The following PIBF1 variants were observed in gnomAD, a reference collection of about 807,000 sequenced individuals.
The protein encoded by PIBF1 is progesterone immunomodulatory binding factor 1, also known as progesterone-induced-blocking factor 1.
PIBF1 carries 90 observed loss-of-function variants against 112.5 expected under a neutral mutation model. That is an observed-to-expected ratio of 0.80 (90% CI 0.67 to 0.95). The LOEUF is 0.95. Ranked by LOEUF, PIBF1 falls within the 40% of genes least tolerant of loss-of-function variation. PIBF1 has a pLI of 0.00. For missense variants in PIBF1, 915 were observed against 852.3 expected (o/e 1.07, Z -0.92); for synonymous variants, 301 against 288.6 (o/e 1.04, Z -0.44).
At chr13:72,859,801 C>T (rs1296237448) in intron 10 of PIBF1, among the ~76,000 whole-genome samples, 2 of 151,992 alleles carry the variant, frequency 1.3e-5, no homozygotes, top group Non-Finnish European at 2.9e-5. Context: ...ATTACCTTAC[C>T]TATAGAATTA....
intron 8 of PIBF1, 89 bp downstream of exon 8, chr13:72,828,003 T>C (rs568470054): frequency 2.5e-5 from 19 of 772,586 alleles, no homozygotes; most frequent in Admixed American, 3.4e-5. Context: ...GATTTAGTGA[T>C]TTTTTTAAGG....
At chr13:72,958,665 G>A (rs1305322020) in intron 14 of PIBF1, among the ~76,000 whole-genome samples, 1 of 152,160 alleles carries the variant, frequency 6.6e-6, no homozygotes, top group East Asian at 1.9e-4. Flanking sequence ...CGACAAAGAG[G>A]TCATACCTGA....
At chr13:72,835,438 A>G in intron 9 of PIBF1, 70 bp downstream of exon 9, 1 of 1,202,716 alleles carries the variant, frequency 8.3e-7, no homozygotes, top group Non-Finnish European at 1.1e-6. Flanking sequence ...TATTGAAATT[A>G]AATGCTATTT....
At chr13:72,967,177 G>T (rs2042764997) in intron 15 of PIBF1, among the ~76,000 whole-genome samples, 1 of 151,926 alleles carries the variant, frequency 6.6e-6, no homozygotes, top group African/African-American at 2.4e-5. Context: ...CTCATGATCT[G>T]CCCTCCTCGG....
chr13:72,959,934 A>G (rs2042560311), intron 14 of PIBF1, among the ~76,000 whole-genome samples: 1 of 152,234 alleles, frequency 6.6e-6, no homozygotes, highest in Admixed American at 6.5e-5. Context: ...AGCAATTGCA[A>G]AACTTTTTGA....
rs1244434662 is a variant in PIBF1 at position 72,798,079 on chromosome 13, G to T, written c.672+53G>T. 2.6e-6 allele frequency: 4 copies of T among 1,536,454 alleles called. No homozygotes were observed. In the African/African-American group the frequency reaches 5.6e-5, roughly 22 times the overall value. ...AAGAAGCTTCGGCTTTTTCTGTAGA[G>T]TCCCTCAGGATTTGTGATAAGGCAT... On this transcript the variant is annotated intron_variant, in intron 5 of 17. Coordinates refer to ENST00000326291, the MANE Select transcript of PIBF1 (RefSeq NM_006346.4).
chr13:72,983,024 T>C (rs905717537), intron 16 of PIBF1, among the ~76,000 whole-genome samples: 22 of 152,148 alleles, frequency 1.4e-4, no homozygotes, highest in African/African-American at 5.1e-4. Flanking sequence ...TATATATTTG[T>C]GGAATATAAA....
intron 9 of PIBF1, among the ~76,000 whole-genome samples, chr13:72,837,494 A>G (rs919579376): frequency 2.0e-5 from 3 of 152,022 alleles, no homozygotes; most frequent in African/African-American, 7.2e-5. Flanking sequence ...TTTTTTGACC[A>G]TATATGTTTG....
rs2041340646 is a variant in PIBF1 at position 72,922,717 on chromosome 13, CAT to C, written c.1730+5552_1730+5553del. Among the ~76,000 whole-genome samples, 6 of 152,142 alleles carry C rather than the reference CAT, an allele frequency of 3.9e-5. No homozygotes were observed. In the South Asian group the frequency reaches 1.2e-3, roughly 32 times the overall value. ...CTAGCAAAATTTTGTGTATGACAAACATGTTTTCCTTTCCTTTATTCTCATAT... is the reference window on the plus strand; with the variant it reads ...CTAGCAAAATTTTGTGTATGACAAACGTTTTCCTTTCCTTTATTCTCATAT... On this transcript the variant is annotated intron_variant, in intron 13 of 17. Coordinates refer to ENST00000326291, the MANE Select transcript of PIBF1 (RefSeq NM_006346.4).
intron 15 of PIBF1, among the ~76,000 whole-genome samples, chr13:72,967,256 G>A (rs2042767435): frequency 6.6e-6 from 1 of 151,928 alleles, no homozygotes; most frequent in Non-Finnish European, 1.5e-5. Context: ...TCTTTTATAT[G>A]TCTTATTTTA....
At chr13:72,910,101 CTG>C (rs751873080) in intron 12 of PIBF1, among the ~76,000 whole-genome samples, 7 of 152,094 alleles carry the variant, frequency 4.6e-5, no homozygotes, top group Non-Finnish European at 5.9e-5. Flanking sequence ...TGCATAAGGA[CTG>C]TATTTACTTG....
intron 16 of PIBF1, among the ~76,000 whole-genome samples, chr13:72,988,007 C>T (rs972305601): frequency 5.3e-5 from 8 of 150,832 alleles, no homozygotes; most frequent in Admixed American, 1.3e-4. Flanking sequence ...GGACTACAGG[C>T]GCATGCCACC....
intron 10 of PIBF1, among the ~76,000 whole-genome samples, chr13:72,860,246 G>A (rs954255582): frequency 3.7e-4 from 56 of 151,634 alleles, no homozygotes; most frequent in African/African-American, 1.4e-3. Flanking sequence ...GTGAACACAA[G>A]CTAATTTTGA....
intron 5 of PIBF1, among the ~76,000 whole-genome samples, chr13:72,809,412 C>G (rs2035895206): frequency 6.6e-6 from 1 of 151,488 alleles, no homozygotes; most frequent in African/African-American, 2.4e-5. Flanking sequence ...ATAATTATGC[C>G]TACCAGAAAT....
chr13:72,964,073 G>A (rs542811068), intron 14 of PIBF1, among the ~76,000 whole-genome samples: 80 of 152,294 alleles, frequency 5.3e-4, no homozygotes, highest in African/African-American at 1.7e-3. Context: ...TAGCCAAACA[G>A]TGGAAACCCA....
intron 16 of PIBF1, among the ~76,000 whole-genome samples, chr13:72,977,292 C>T (rs147291855): frequency 1.3e-5 from 2 of 152,296 alleles, no homozygotes; most frequent in East Asian, 3.9e-4. Flanking sequence ...GCAACCTCCA[C>T]CTCCCTGGTT....
chr13:72,965,106 A>C (rs2042705512), intron 14 of PIBF1, among the ~76,000 whole-genome samples, 168 bp from the exon 15 acceptor site: 1 of 152,218 alleles, frequency 6.6e-6, no homozygotes, highest in Non-Finnish European at 1.5e-5. Flanking sequence ...TGCTATTAAG[A>C]ATAGCTATAT....
intron 4 of PIBF1, 95 bp downstream of exon 4, chr13:72,795,652 G>A (rs939028831): frequency 8.0e-6 from 6 of 750,044 alleles, no homozygotes; most frequent in Non-Finnish European, 8.8e-6. Context: ...GTACCCAATT[G>A]ATACATTATT....
Position 72,979,634 on chromosome 13 carries a change from G to A in PIBF1, c.2049+5959G>A, listed in dbSNP as rs191746117. ...GACCGATTTGAAAGCTATTTAAGAA[G>A]CATAATTGGCCGGGCGTGGTGGCTC... On this transcript the variant is annotated intron_variant, in intron 16 of 17. Coordinates refer to ENST00000326291, the MANE Select transcript of PIBF1 (RefSeq NM_006346.4). Among the ~76,000 whole-genome samples the A allele has an allele frequency of 5.3e-5, 8 of 152,180 alleles. No homozygotes were observed. In the East Asian group the frequency reaches 1.6e-3, roughly 29 times the overall value.
Sources: gnomAD v4.1 joint callset for allele counts (sites outside exome capture counted in the v4.1 genomes callset) on GRCh38, gnomAD v4.1.1 for gene constraint, MANE v1.5 for transcripts, NCBI Gene and HGNC (gene_info 2026-07-23, HGNC 2026-07-21) for gene names.